RYR2: variants seen among roughly 807,000 people sequenced by gnomAD.
RYR2 encodes ryanodine receptor 2, also known as cardiac muscle ryanodine receptor-calcium release channel.
A neutral mutation model predicts 601.1 loss-of-function variants in RYR2; 227 were observed. That is an observed-to-expected ratio of 0.38 (90% CI 0.34 to 0.42). The LOEUF (loss-of-function observed/expected upper bound fraction) is 0.42, where lower values mean the gene tolerates loss of function less well. Among genes scored for constraint, RYR2 ranks in the 10% least tolerant of loss-of-function variants. RYR2 has a pLI of 1.00. For synonymous variants in RYR2, 2,223 were observed against 2,175.1 expected (o/e 1.02, Z -0.61); for missense variants, 4,646 against 6,156.5 (o/e 0.75, Z 8.21).
chr1:237,132,162 G>T (rs1056946996), intron 1 of RYR2, among the ~76,000 whole-genome samples: 1 of 152,186 alleles, frequency 6.6e-6, no homozygotes, highest in Admixed American at 6.5e-5. Flanking sequence ...CTTGCTCTCT[G>T]TTTGGTGACA....
intron 27 of RYR2, among the ~76,000 whole-genome samples, chr1:237,564,800 A>T (rs1671800744): frequency 6.6e-6 from 1 of 152,212 alleles, no homozygotes; most frequent in African/African-American, 2.4e-5. Context: ...TTCAGTAAGC[A>T]CTACCACCAT....
intron 29 of RYR2, among the ~76,000 whole-genome samples, chr1:237,573,370 C>T (rs1672900157): frequency 6.6e-6 from 1 of 151,752 alleles, no homozygotes; most frequent in Non-Finnish European, 1.5e-5. Flanking sequence ...ACCTTTCTAT[C>T]TATTGCATAG....
chr1:237,075,557 G>A (rs1664931274), intron 1 of RYR2, among the ~76,000 whole-genome samples: 1 of 86,032 alleles, frequency 1.2e-5, no homozygotes, highest in African/African-American at 4.5e-5. Flanking sequence ...CGAATATTGC[G>A]CTTTTCAGAC....
intron 1 of RYR2, among the ~76,000 whole-genome samples, chr1:237,159,557 T>C (rs760559160): frequency 3.3e-5 from 5 of 150,656 alleles, no homozygotes; most frequent in South Asian, 2.1e-4. Context: ...CGGGCACAGA[T>C]TACGGGCTCA....
At chr1:237,209,422 T>G (rs1682309158) in intron 1 of RYR2, among the ~76,000 whole-genome samples, 1 of 151,954 alleles carries the variant, frequency 6.6e-6, no homozygotes. Flanking sequence ...GACATATAGA[T>G]ATATATGTCT....
At chr1:237,091,797 C>G (rs748184328) in intron 1 of RYR2, among the ~76,000 whole-genome samples, 2 of 152,152 alleles carry the variant, frequency 1.3e-5, no homozygotes, top group Non-Finnish European at 2.9e-5. Flanking sequence ...TGAGTCCTAT[C>G]CTTGCCCTTT....
intron 25 of RYR2, among the ~76,000 whole-genome samples, chr1:237,534,094 A>G (rs1184358931): frequency 6.6e-6 from 1 of 152,142 alleles, no homozygotes; most frequent in East Asian, 1.9e-4. Flanking sequence ...AGGTACATCA[A>G]TAACTTTAGA....
At position 237,180,646 on chromosome 1, in the gene RYR2, G is replaced by A. The variant is rs61832386; in HGVS notation, c.49-89851G>A. On this transcript the variant is annotated intron_variant, in intron 1 of 104. Transcript: ENST00000366574. This position sits in a 1 kb window ranked among gnomAD's most constrained non-coding sequence, Gnocchi z 5.3. Reference sequence around the variant, plus strand: ...TATGTATATGTGTATATATGTATATGTATATGTGTATATATGTATACATGT... The same window carrying A: ...TATGTATATGTGTATATATGTATATATATATGTGTATATATGTATACATGT... 1.1e-5 allele frequency among the ~76,000 whole-genome samples: 1 copy of A among 94,166 alleles called. No homozygotes were observed. The highest frequency in any genetic ancestry group is 2.0e-5 in the Non-Finnish European group (1 of 50,706). 61.8% of individuals were successfully genotyped at this position (94,166 alleles called of 152,430 possible).
intron 35 of RYR2, among the ~76,000 whole-genome samples, chr1:237,608,464 A>G (rs979730828): frequency 6.6e-6 from 1 of 152,106 alleles, no homozygotes. Flanking sequence ...GCACTTTGGG[A>G]GGAAGGAGGA....
chr1:237,778,073 T>TAGGG (rs1694803662), intron 87 of RYR2, among the ~76,000 whole-genome samples: 1 of 152,230 alleles, frequency 6.6e-6, no homozygotes. Context: ...GACTCCCAAT[T>TAGGG]AGTTATTTTA....
chr1:237,441,829 T>C (rs1043874793), intron 13 of RYR2, among the ~76,000 whole-genome samples: 1 of 152,082 alleles, frequency 6.6e-6, no homozygotes, highest in Admixed American at 6.6e-5. Context: ...AGGCCCACTT[T>C]TTGAGGTCCC....
intron 24 of RYR2, among the ~76,000 whole-genome samples, chr1:237,523,473 G>A (rs112327441): frequency 0.018 from 2,693 of 152,232 alleles, 24 homozygotes; most frequent in Non-Finnish European, 0.023. Context: ...GGTGGCTCAC[G>A]CCTATAATTC....
At chr1:237,127,313 C>T (rs1236267510) in intron 1 of RYR2, among the ~76,000 whole-genome samples, 40 of 151,834 alleles carry the variant, frequency 2.6e-4, no homozygotes, top group Admixed American at 1.2e-3. Flanking sequence ...ACCTCCCAGA[C>T]AGGGTGGTGG....
chr1:237,592,322 A>G (rs990026347), intron 32 of RYR2, among the ~76,000 whole-genome samples: 2 of 152,202 alleles, frequency 1.3e-5, no homozygotes, highest in East Asian at 3.8e-4. Context: ...TGATGTTCAC[A>G]TGTTCTGAAC....
At chr1:237,814,929 T>G (rs1168000843) in intron 100 of RYR2, among the ~76,000 whole-genome samples, 1 of 151,860 alleles carries the variant, frequency 6.6e-6, no homozygotes, top group Admixed American at 6.6e-5. Flanking sequence ...TTTACCCTAC[T>G]TTCCCAACAA....
intron 1 of RYR2, among the ~76,000 whole-genome samples, 186 bp downstream of exon 1, chr1:237,042,755 G>C (rs1005004602): frequency 6.6e-6 from 1 of 152,150 alleles, no homozygotes; most frequent in African/African-American, 2.4e-5. Flanking sequence ...GCGAGGGAAG[G>C]CAAGGGCGCG....
intron 1 of RYR2, among the ~76,000 whole-genome samples, chr1:237,046,147 C>T (rs1175211784): frequency 1.3e-5 from 2 of 152,124 alleles, no homozygotes; most frequent in Non-Finnish European, 2.9e-5. Context: ...TAAATATACT[C>T]ATCTACAAAT....
chr1:237,379,933 T>C (rs192268859), intron 8 of RYR2, among the ~76,000 whole-genome samples: 237 of 152,288 alleles, frequency 1.6e-3, no homozygotes, highest in African/African-American at 5.6e-3. Context: ...ACCTAGCATA[T>C]AGCAGAAACA....
intron 1 of RYR2, among the ~76,000 whole-genome samples, chr1:237,069,324 G>C (rs1293433753): frequency 6.6e-6 from 1 of 152,030 alleles, no homozygotes; most frequent in Non-Finnish European, 1.5e-5. Context: ...TTTGAAATAT[G>C]TACTTAATAT....
Sources: allele counts gnomAD v4.1 joint callset (sites outside exome capture counted in the v4.1 genomes callset), GRCh38; gene constraint gnomAD v4.1.1; non-coding constraint Gnocchi (gnomAD v3.1); transcripts MANE v1.5; gene names NCBI Gene and HGNC (gene_info 2026-07-23, HGNC 2026-07-21).